KIAA1210: variants seen among roughly 807,000 people sequenced by gnomAD.
KIAA1210 encodes the protein acrosomal protein KIAA1210.
A neutral mutation model predicts 78.9 loss-of-function variants in KIAA1210; 48 were observed. The ratio of observed to expected loss-of-function variants is 0.61; its 90% CI spans 0.48 to 0.77. The LOEUF is 0.77. Ranked by LOEUF, KIAA1210 falls within the 30% of genes least tolerant of loss-of-function variation. The probability of loss-of-function intolerance (pLI) is 0.00; values close to 1 mark genes in which losing one functional copy is unlikely to be tolerated. For missense variants in KIAA1210, 1,108 were observed against 1,100.0 expected (o/e 1.01, Z -0.10); for synonymous variants, 406 against 404.5 (o/e 1.00, Z -0.04).
At chrX:119,150,246 T>C in intron 1 of KIAA1210, 1 of 1,153,657 alleles carries the variant, frequency 8.7e-7, no homozygotes, top group Non-Finnish European at 1.2e-6. Context: ...AGTCATTTCT[T>C]ACAAACTCTG....
chrX:119,092,499 C>G (rs925217003), intron 8 of KIAA1210, among the ~76,000 whole-genome samples: 2 of 111,977 alleles, frequency 1.8e-5, no homozygotes, highest in Non-Finnish European at 3.8e-5. Context: ...CAGTGGCTCA[C>G]GCCTGCAATC....
In KIAA1210 at chrX:119,096,803, A is replaced by G. The variant is rs143197246; in HGVS notation, c.649-112T>C. On this transcript the variant is annotated intron_variant, in intron 6 of 11. Transcript: ENST00000691062. ...CCAAAGAAGAAATCCTTCATGAACT[A>G]TTGTCCCCTTTCCTACATTTCCTGT... 116 of 524,272 alleles carry G rather than the reference A, an allele frequency of 2.2e-4. 1 individual carries two copies. The highest frequency in any genetic ancestry group is 1.9e-3 in the African/African-American group (82 of 42,376). 43.2% of individuals were successfully genotyped at this position (524,272 alleles called of 1,213,427 possible).
upstream of KIAA1210, among the ~76,000 whole-genome samples, chrX:119,129,297 C>T (rs1458908190): frequency 9.1e-6 from 1 of 110,263 alleles, no homozygotes; most frequent in Non-Finnish European, 1.9e-5. Context: ...TAAAATCCAC[C>T]TTTGTGGATT....
intron 10 of KIAA1210, among the ~76,000 whole-genome samples, chrX:119,084,284 G>A (rs150762939): frequency 0.012 from 1,386 of 110,919 alleles, 28 homozygotes; most frequent in African/African-American, 0.043. Flanking sequence ...TTATCCACAT[G>A]TGGTAGTTAG....
At chrX:119,083,503 C>G (rs918994535) in intron 10 of KIAA1210, among the ~76,000 whole-genome samples, 10 of 112,345 alleles carry the variant, frequency 8.9e-5, no homozygotes, top group Non-Finnish European at 1.7e-4. Flanking sequence ...CAAATCTGAT[C>G]AATTCACTGA....
At chrX:119,136,552 T>C (rs775451933) in intron 2 of KIAA1210, among the ~76,000 whole-genome samples, 1 of 111,239 alleles carries the variant, frequency 9.0e-6, no homozygotes, top group Non-Finnish European at 1.9e-5. Flanking sequence ...CATGGCCAGG[T>C]GCAGTGGCTC....
chrX:119,116,758 A>T, intron 2 of KIAA1210, 94 bp from the exon 3 acceptor site: 1 of 807,274 alleles, frequency 1.2e-6, no homozygotes. Flanking sequence ...GAGGACCATG[A>T]TCCCACCCAG....
chrX:119,108,956 G>A, intron 4 of KIAA1210, 120 bp downstream of exon 4: 1 of 698,155 alleles, frequency 1.4e-6, no homozygotes, highest in Non-Finnish European at 2.2e-6. Flanking sequence ...CAGCCCTGTG[G>A]GGGTAGGATC....
intron 1 of KIAA1210, chrX:119,150,216 G>T: frequency 9.7e-7 from 1 of 1,029,766 alleles, no homozygotes; most frequent in Non-Finnish European, 1.3e-6. Flanking sequence ...CCCTTGTGCA[G>T]CTCTCCCTTC....
chrX:119,096,301 A>T (rs967563098), intron 7 of KIAA1210, among the ~76,000 whole-genome samples, 193 bp downstream of exon 7: 6 of 112,256 alleles, frequency 5.3e-5, no homozygotes, highest in Non-Finnish European at 1.1e-4. Context: ...TGGATAGGAA[A>T]CCACACCCAG....
At chrX:119,119,785 G>A (rs1928388659) in intron 2 of KIAA1210, among the ~76,000 whole-genome samples, 1 of 110,063 alleles carries the variant, frequency 9.1e-6, no homozygotes, top group South Asian at 3.9e-4. Flanking sequence ...GACCATTCTG[G>A]CTAACACGGT....
chrX:119,085,376 G>T lies in KIAA1210; in HGVS notation c.4320+7C>A. On this transcript the variant is annotated splice_region_variant and intron_variant, in intron 10 of 11. Transcript: ENST00000691062. Reference sequence around the variant, plus strand: ...TGGAGTGTTTTATTGGCTACCCCAGGTCCTACCTCATATTTAGGCTCCTTA... The same window carrying T: ...TGGAGTGTTTTATTGGCTACCCCAGTTCCTACCTCATATTTAGGCTCCTTA... 8.3e-7 allele frequency: 1 copy of T among 1,206,393 alleles called. No homozygotes were observed. The highest frequency in any genetic ancestry group is 1.1e-6 in the Non-Finnish European group (1 of 892,821).
intron 2 of KIAA1210, among the ~76,000 whole-genome samples, chrX:119,122,191 G>A (rs1315155449): frequency 3.9e-5 from 4 of 101,536 alleles, no homozygotes; most frequent in Admixed American, 3.4e-4. Flanking sequence ...TCAGCCTCCC[G>A]AGTAGCTGGA....
At chrX:119,091,417 A>C (rs1927364386) in intron 8 of KIAA1210, among the ~76,000 whole-genome samples, 1 of 112,504 alleles carries the variant, frequency 8.9e-6, no homozygotes, top group Middle Eastern at 4.2e-3. Flanking sequence ...TCAAAAAGAC[A>C]CCTGCACACA....
intron 9 of KIAA1210, 99 bp downstream of exon 9, chrX:119,086,447 G>A: frequency 1.2e-6 from 1 of 828,415 alleles, no homozygotes; most frequent in South Asian, 2.8e-5. Context: ...CCACAATTCA[G>A]TAAAAGACTA....
chrX:119,114,943 C>G (rs1358584296), intron 3 of KIAA1210, among the ~76,000 whole-genome samples: 1 of 112,400 alleles, frequency 8.9e-6, no homozygotes, highest in Non-Finnish European at 1.9e-5. Context: ...CAACAGCACT[C>G]ATTAAGAAAT....
chrX:119,098,474 A>G lies in KIAA1210; in HGVS notation c.649-1783T>C, dbSNP rs183956007. Among the ~76,000 whole-genome samples, 548 of 110,505 alleles carry G rather than the reference A, an allele frequency of 5.0e-3. 1 individual carries two copies. The highest frequency in any genetic ancestry group is 0.017 in the African/African-American group (515 of 30,354). On this transcript the variant is annotated intron_variant, in intron 6 of 11. Coordinates refer to ENST00000691062, the MANE Select transcript of KIAA1210 (RefSeq NM_001394962.1). ...ACAAAACTTAGCCGGGTGTGGTGGC[A>G]GATGCCTGTAATCCCAGCTACTTGG... is the stretch of plus-strand genomic sequence containing the variant.
intron 2 of KIAA1210, among the ~76,000 whole-genome samples, chrX:119,138,211 G>GTTTTTTTTTTTT (rs759946882): frequency 2.1e-5 from 1 of 47,845 alleles, no homozygotes; most frequent in Non-Finnish European, 3.4e-5. Context: ...TGGTTTGGTT[G>GTTTTTTTTTTTT]TTTTTTTTTT....
chrX:119,084,558 T>C (rs1224281551), intron 10 of KIAA1210, among the ~76,000 whole-genome samples: 1 of 111,339 alleles, frequency 9.0e-6, no homozygotes, highest in African/African-American at 3.3e-5. Context: ...TTTAGGTATT[T>C]TTTTAAGCTA....
Sources: allele counts gnomAD v4.1 joint callset (sites outside exome capture counted in the v4.1 genomes callset), GRCh38; gene constraint gnomAD v4.1.1; transcripts MANE v1.5; gene names NCBI Gene and HGNC (gene_info 2026-07-23, HGNC 2026-07-21).